The following MCPH1 variants were observed in gnomAD, a reference collection of about 807,000 sequenced individuals.
The protein encoded by MCPH1 is microcephalin.
A neutral mutation model predicts 84.5 loss-of-function variants in MCPH1; 104 were observed. That is an observed-to-expected ratio of 1.23 (90% confidence interval 1.05 to 1.45). The LOEUF (loss-of-function observed/expected upper bound fraction) is 1.45. Ranked by LOEUF, MCPH1 falls within the 40% of genes most tolerant of loss-of-function variation. The pLI is 0.00. For synonymous variants in MCPH1, 514 were observed against 366.8 expected (o/e 1.40, Z -4.58); for missense variants, 1,498 against 1,005.7 (o/e 1.49, Z -6.62).
rs1484862489 is a variant in MCPH1, at chr8:6,580,620, C to T, written c.2215-40834C>T. 1.3e-5 allele frequency among the ~76,000 whole-genome samples: 2 copies of T among 152,160 alleles called. 1 individual carries two copies. Among genetic ancestry groups the T allele is most frequent in the Non-Finnish European group, 2.9e-5 (2 of 68,046 alleles). The stretch of plus-strand genomic sequence containing the variant: ...GAGCTGTGATCATGCCACTGCACTC[C>T]AGCCTGGGCTACAGAGCAAGACTCT... On this transcript the variant is annotated intron_variant, in intron 12 of 13. Transcript: ENST00000344683.
chr8:6,529,285 A>G (rs916283075), intron 12 of MCPH1, among the ~76,000 whole-genome samples: 2 of 152,088 alleles, frequency 1.3e-5, no homozygotes, highest in Non-Finnish European at 2.9e-5. Context: ...GCTCAATTTG[A>G]TCGTCTCTCA....
intron 13 of MCPH1, among the ~76,000 whole-genome samples, chr8:6,628,484 A>C (rs1033890292): frequency 1.3e-5 from 2 of 150,754 alleles, no homozygotes; most frequent in African/African-American, 4.9e-5. Flanking sequence ...AAAAAAAAAA[A>C]AAAAAAAAAA....
chr8:6,600,475 T>C (rs1471913802), intron 12 of MCPH1, among the ~76,000 whole-genome samples: 1 of 152,216 alleles, frequency 6.6e-6, no homozygotes, highest in Admixed American at 6.5e-5. Context: ...CCACTGGGGA[T>C]TGGGGCGGCA....
intron 11 of MCPH1, among the ~76,000 whole-genome samples, chr8:6,488,939 T>C (rs952985276): frequency 6.6e-6 from 1 of 151,890 alleles, no homozygotes; most frequent in Non-Finnish European, 1.5e-5. Context: ...CCTAGGAAGA[T>C]CTAGTGGAAT....
In MCPH1 at chr8:6,449,217, G is replaced by C. The variant is rs576750856; in HGVS notation, c.1825+3670G>C. Among the ~76,000 whole-genome samples, 9 of 152,268 alleles carry C rather than the reference G, an allele frequency of 5.9e-5. No individual in the cohort carries two copies. The South Asian group carries it at 1.7e-3, about 28-fold the overall frequency. On this transcript the variant is annotated intron_variant, in intron 8 of 13. Coordinates refer to ENST00000344683, the MANE Select transcript of MCPH1 (RefSeq NM_024596.5). Reference sequence around the variant, plus strand: ...TCTTCATTGCTTAGAAGACGCTGATGGAATTCTCTTAGATTCTTCTCTCGA... The same window carrying C: ...TCTTCATTGCTTAGAAGACGCTGATCGAATTCTCTTAGATTCTTCTCTCGA...
chr8:6,521,139 G>C (rs762463383), intron 12 of MCPH1: 1 of 1,559,200 alleles, frequency 6.4e-7, no homozygotes, highest in Non-Finnish European at 8.8e-7. Flanking sequence ...ACTGACTAAA[G>C]GTTATTAACG....
At chr8:6,567,633 C>A (rs910016399) in intron 12 of MCPH1, among the ~76,000 whole-genome samples, 31 of 152,152 alleles carry the variant, frequency 2.0e-4, no homozygotes, top group African/African-American at 6.8e-4. Flanking sequence ...AGGCCACTGA[C>A]CAGGAAGCCT....
chr8:6,494,633 A>G (rs926708201), intron 11 of MCPH1: 1 of 152,230 alleles, frequency 6.6e-6, no homozygotes, highest in African/African-American at 2.4e-5. Flanking sequence ...ACCGAGTGAA[A>G]GGAGCCAGAC....
intron 12 of MCPH1, among the ~76,000 whole-genome samples, chr8:6,614,710 T>C (rs538952968): frequency 4.0e-4 from 61 of 152,350 alleles, no homozygotes; most frequent in African/African-American, 1.4e-3. Context: ...GGATTATTCA[T>C]TGGAAACCTC....
chr8:6,627,962 G>A (rs1796869899), intron 13 of MCPH1, among the ~76,000 whole-genome samples: 1 of 151,888 alleles, frequency 6.6e-6, no homozygotes, highest in Non-Finnish European at 1.5e-5. Flanking sequence ...TTAACTAACT[G>A]CTAGCTCCTA....
chr8:6,627,397 AC>A, intron 13 of MCPH1: 1 of 659,584 alleles, frequency 1.5e-6, no homozygotes, highest in Non-Finnish European at 1.9e-6. Flanking sequence ...TTTTATCCCC[AC>A]CCAGGTTTCC....
At chr8:6,531,118 C>A (rs540003118) in intron 12 of MCPH1, among the ~76,000 whole-genome samples, 49 of 152,110 alleles carry the variant, frequency 3.2e-4, no homozygotes, top group African/African-American at 1.2e-3. Flanking sequence ...ACGACCACGG[C>A]CTTGAGCTTG....
At chr8:6,441,426 G>A (rs1318063978) in intron 6 of MCPH1, among the ~76,000 whole-genome samples, 1 of 151,992 alleles carries the variant, frequency 6.6e-6, no homozygotes, top group Non-Finnish European at 1.5e-5. Flanking sequence ...TCTCAGAAAA[G>A]TATCCTTTTG....
At chr8:6,557,890 C>T (rs1314166529) in intron 12 of MCPH1, among the ~76,000 whole-genome samples, 1 of 152,154 alleles carries the variant, frequency 6.6e-6, no homozygotes, top group Non-Finnish European at 1.5e-5. Context: ...CCAGGCCCTG[C>T]TGTCATTTTG....
intron 12 of MCPH1, among the ~76,000 whole-genome samples, chr8:6,539,017 T>C (rs866751213): frequency 3.8e-5 from 5 of 131,290 alleles, no homozygotes; most frequent in Non-Finnish European, 8.1e-5. Flanking sequence ...CCCCCTCCTT[T>C]TAGAGTTGGG....
intron 8 of MCPH1, among the ~76,000 whole-genome samples, chr8:6,452,457 T>C (rs1275328644): frequency 6.6e-6 from 1 of 152,208 alleles, no homozygotes; most frequent in Non-Finnish European, 1.5e-5. Context: ...GTCAATGAAT[T>C]GTGTGTGTAA....
chr8:6,608,803 C>T (rs1829997491), intron 12 of MCPH1, among the ~76,000 whole-genome samples: 1 of 152,212 alleles, frequency 6.6e-6, no homozygotes, highest in Non-Finnish European at 1.5e-5. Flanking sequence ...AATCTTTTCT[C>T]AGCCTGAGCA....
intron 12 of MCPH1, among the ~76,000 whole-genome samples, chr8:6,597,147 A>G (rs1828990576): frequency 6.6e-6 from 1 of 152,176 alleles, no homozygotes; most frequent in African/African-American, 2.4e-5. Flanking sequence ...AATGAAGGTA[A>G]TAAAATCACC....
intron 3 of MCPH1, among the ~76,000 whole-genome samples, chr8:6,420,645 C>A (rs1190521229): frequency 6.6e-6 from 1 of 152,094 alleles, no homozygotes; most frequent in Non-Finnish European, 1.5e-5. Flanking sequence ...CAAAATCGAT[C>A]TCTCATAGAT....
Sources: gnomAD v4.1 joint callset for allele counts (sites outside exome capture counted in the v4.1 genomes callset) on GRCh38, gnomAD v4.1.1 for gene constraint, MANE v1.5 for transcripts, NCBI Gene and HGNC (gene_info 2026-07-23, HGNC 2026-07-21) for gene names.